The following SCN1A variants were observed in gnomAD, a reference collection of about 807,000 sequenced individuals.
SCN1A encodes the protein sodium channel protein type 1 subunit alpha.
In SCN1A, 13 loss-of-function variants were observed where a neutral mutation model predicts 193.7. The ratio of observed to expected loss-of-function variants is 0.07; its 90% CI spans 0.04 to 0.11. SCN1A has a LOEUF of 0.11. SCN1A is among the 10% of genes least tolerant of loss of function. The pLI is 1.00. For missense variants in SCN1A, 1,432 were observed against 2,451.1 expected, an observed-to-expected ratio of 0.58 and a Z score of 8.78; for synonymous variants, 781 against 843.6, an observed-to-expected ratio of 0.93 and a Z score of 1.29.
intron 2 of SCN1A, among the ~76,000 whole-genome samples, chr2:166,114,626 C>A (rs981046904): frequency 6.6e-6 from 1 of 152,004 alleles, no homozygotes; most frequent in Non-Finnish European, 1.5e-5. Context: ...ATGTAAAATT[C>A]TTGGTATTTT....
At chr2:166,119,318 C>A (rs1690272829) in intron 2 of SCN1A, among the ~76,000 whole-genome samples, 1 of 152,182 alleles carries the variant, frequency 6.6e-6, no homozygotes, top group Admixed American at 6.5e-5. Context: ...CTAATAATTA[C>A]CCTTCTTACT....
intron 19 of SCN1A, among the ~76,000 whole-genome samples, chr2:166,025,574 C>G (rs1250750358): frequency 6.6e-6 from 1 of 152,064 alleles, no homozygotes; most frequent in East Asian, 1.9e-4. Flanking sequence ...ATACCATATC[C>G]ACAGGTTCCA....
chr2:166,133,266 C>T (rs1691730686), intron 1 of SCN1A, among the ~76,000 whole-genome samples: 1 of 152,150 alleles, frequency 6.6e-6, no homozygotes, highest in Non-Finnish European at 1.5e-5. Flanking sequence ...AGAATTATGT[C>T]TGCAGGTGAT....
intron 2 of SCN1A, among the ~76,000 whole-genome samples, chr2:166,122,866 A>C (rs1344413627): frequency 6.6e-6 from 1 of 152,170 alleles, no homozygotes; most frequent in East Asian, 1.9e-4. Flanking sequence ...CAAAAGAAAA[A>C]AGTTAGAGTA....
chr2:166,116,108 C>T (rs1263422504), intron 2 of SCN1A, among the ~76,000 whole-genome samples: 1 of 152,164 alleles, frequency 6.6e-6, no homozygotes, highest in Non-Finnish European at 1.5e-5. Flanking sequence ...CTCATGAAAG[C>T]CAGCCATGCT....
At position 166,050,789 on chromosome 2, in the gene SCN1A, A is replaced by C. The variant is rs150047545; in HGVS notation, c.964+930T>G. Among the ~76,000 whole-genome samples the C allele has an allele frequency of 1.7e-4, 25 of 150,300 alleles. No individual in the cohort carries two copies. The East Asian group carries it at 4.7e-3, about 28-fold the overall frequency. On this transcript the variant is annotated intron_variant, in intron 9 of 28. Transcript: ENST00000674923. ...CCACTGCACCCAACTAACATTTTCT[A>C]TTACTGTCTCCTGAAGCTTTATTAA... is the stretch of plus-strand genomic sequence containing the variant.
chr2:165,994,850 G>A (rs1040734645), intron 27 of SCN1A, among the ~76,000 whole-genome samples: 3 of 151,328 alleles, frequency 2.0e-5, no homozygotes, highest in South Asian at 2.1e-4. Flanking sequence ...TTCACTTGTT[G>A]TATTCTCAAA....
chr2:166,117,912 G>A (rs561262888), intron 2 of SCN1A, among the ~76,000 whole-genome samples: 23 of 151,480 alleles, frequency 1.5e-4, no homozygotes, highest in Non-Finnish European at 8.8e-5. Flanking sequence ...GCAGTGAGCC[G>A]AGATCCTGCC....
rs1300925640 is a variant in SCN1A, at chr2:166,046,820, C to T, written c.1327G>A (p.Glu443Lys). 16 of 1,613,690 alleles carry T rather than the reference C, an allele frequency of 9.9e-6. No homozygotes were observed. Among genetic ancestry groups the T allele is most frequent in the East Asian group, 4.5e-5 (2 of 44,880 alleles). Residue 443 changes from glutamate (E) to lysine (K), a missense_variant, in exon 12 of 29, where the codon GAA (glutamate) becomes AAA (lysine). Physicochemically the swap from Glu to Lys is moderately conservative, Grantham distance 56. Around this residue, in one of 18 missense-constraint regions of SCN1A, gnomAD observed 58 missense variants for 103.4 expected, o/e 0.56. Coordinates refer to ENST00000674923, the MANE Select transcript of SCN1A (RefSeq NM_001165963.4). ...AGCTGTTCAATCATCTGCTGAAATTCGGCCTCTTTCTGTTCTGCTTCTTCC... is the reference window on the plus strand; with the variant it reads ...AGCTGTTCAATCATCTGCTGAAATTTGGCCTCTTTCTGTTCTGCTTCTTCC... ...TLEEAEQKEA[E>K]FQQMIEQLKK...
intron 4 of SCN1A, among the ~76,000 whole-genome samples, chr2:166,063,551 C>T (rs1381107): frequency 0.14 from 21,481 of 151,976 alleles, 1,837 homozygotes; most frequent in East Asian, 0.35. Context: ...TAGGTTATGA[C>T]ACCAAGACAT....
intron 2 of SCN1A, among the ~76,000 whole-genome samples, chr2:166,106,166 G>A (rs999585944): frequency 1.3e-5 from 2 of 152,180 alleles, no homozygotes; most frequent in East Asian, 1.9e-4. Flanking sequence ...CAGCCTGGGC[G>A]ATAGAGCGAG....
intron 4 of SCN1A, among the ~76,000 whole-genome samples, chr2:166,070,716 G>A (rs1177413334): frequency 6.6e-6 from 1 of 151,614 alleles, no homozygotes; most frequent in African/African-American, 2.4e-5. Flanking sequence ...TTTTGTTTAG[G>A]GACATCCCCT....
intron 4 of SCN1A, among the ~76,000 whole-genome samples, chr2:166,071,004 G>A (rs1300570863): frequency 6.6e-6 from 1 of 152,088 alleles, no homozygotes. Flanking sequence ...GGTGTCTGGG[G>A]GTAGCAAAAG....
At chr2:166,138,522 C>T (rs1316290149) in intron 1 of SCN1A, among the ~76,000 whole-genome samples, 1 of 152,212 alleles carries the variant, frequency 6.6e-6, no homozygotes, top group Non-Finnish European at 1.5e-5. Flanking sequence ...GCCTTGGCAG[C>T]TCCCACGTGG....
At chr2:166,091,260 C>CT (rs1686772361) in intron 2 of SCN1A, among the ~76,000 whole-genome samples, 1 of 151,910 alleles carries the variant, frequency 6.6e-6, no homozygotes, top group African/African-American at 2.4e-5. Flanking sequence ...TTTTTCCTTT[C>CT]TTTTTTTTGA....
At chr2:166,109,586 A>T (rs1689079355) in intron 2 of SCN1A, 1 of 152,264 alleles carries the variant, frequency 6.6e-6, no homozygotes, top group Non-Finnish European at 1.5e-5. Context: ...CACTTCGTGT[A>T]TCTGTGTCAC....
chr2:166,063,213 T>G (rs140323728), intron 4 of SCN1A, among the ~76,000 whole-genome samples: 1 of 152,240 alleles, frequency 6.6e-6, no homozygotes, highest in Admixed American at 6.5e-5. Flanking sequence ...CGTGGATAAT[T>G]TTCTGCTTCA....
chr2:165,996,969 TAC>T (rs1430560582), intron 26 of SCN1A, among the ~76,000 whole-genome samples: 5 of 151,408 alleles, frequency 3.3e-5, no homozygotes, highest in African/African-American at 1.2e-4. Context: ...TAAAATTAAA[TAC>T]AGTTTTCACC....
At chr2:165,985,249 T>C (rs1345304950), downstream of SCN1A, 2 of 145,112 alleles carry the variant, frequency 1.4e-5, no homozygotes, top group African/African-American at 2.6e-5. Flanking sequence ...TCTGAAAAGA[T>C]ATAAAAGTAT....
Sources: gnomAD v4.1 joint callset for allele counts (sites outside exome capture counted in the v4.1 genomes callset) on GRCh38, gnomAD v4.1.1 for gene constraint, gnomAD v4.1.1 regional missense constraint, MANE v1.5 for transcripts, NCBI Gene and HGNC (gene_info 2026-07-23, HGNC 2026-07-21) for gene names.